Variants in TMC3 observed in about 807,000 individuals in gnomAD.
TMC3 encodes the protein transmembrane channel like 3, also known as transmembrane channel-like protein 3.
In TMC3, 98 loss-of-function variants were observed where a neutral mutation model predicts 110.6. That is an observed-to-expected ratio of 0.89 (90% confidence interval 0.75 to 1.05). The LOEUF is 1.05. TMC3 is among the 50% of genes least tolerant of loss of function. TMC3 has a pLI of 0.00. For missense variants in TMC3, 1,319 were observed against 1,373.2 expected (o/e 0.96, Z 0.62); for synonymous variants, 489 against 513.1 (o/e 0.95, Z 0.63).
rs1893479361 is a variant in TMC3 at position 81,332,373 on chromosome 15, A to G, written c.*46T>C. 1.3e-6 allele frequency: 2 copies of G among 1,538,366 alleles called. No individual in the cohort carries two copies. The highest frequency in any genetic ancestry group is 4.6e-5 in the East Asian group (2 of 43,866). On this transcript the variant is annotated 3_prime_UTR_variant, in exon 22 of 22. Coordinates refer to ENST00000359440, the MANE Select transcript of TMC3 (RefSeq NM_001080532.3). ...GGGAGATGCCATGTGCTGGCCCAGC[A>G]CTCCAACAGGGGCCTGACCTCTAGG...
chr15:81,347,797 A>C (rs1305416735), intron 11 of TMC3, among the ~76,000 whole-genome samples: 1 of 152,164 alleles, frequency 6.6e-6, no homozygotes, highest in Non-Finnish European at 1.5e-5. Context: ...GCAATAATGG[A>C]ATTGATTCCA....
rs1323083617 is a variant in TMC3, at chr15:81,332,237, G to A, written c.*182C>T. On this transcript the variant is annotated 3_prime_UTR_variant, in exon 22 of 22. Coordinates refer to ENST00000359440, the MANE Select transcript of TMC3 (RefSeq NM_001080532.3). Reference sequence around the variant, plus strand: ...CTAACTCGGATAAATTTGGCTAACAGTAGCTGTAGAATAGGTATCTGTAGC... The same window carrying A: ...CTAACTCGGATAAATTTGGCTAACAATAGCTGTAGAATAGGTATCTGTAGC... 2 of 862,778 alleles carry A rather than the reference G, an allele frequency of 2.3e-6. No individual in the cohort carries two copies. The highest frequency in any genetic ancestry group is 2.8e-5 in the East Asian group (1 of 35,848). 53.4% of individuals were successfully genotyped at this position (862,778 alleles called of 1,614,324 possible).
At chr15:81,373,513 G>A (rs1017887282) in intron 1 of TMC3, among the ~76,000 whole-genome samples, 1 of 152,148 alleles carries the variant, frequency 6.6e-6, no homozygotes, top group African/African-American at 2.4e-5. Flanking sequence ...ATTTAGAGGA[G>A]AATTTTTTTC....
At chr15:81,336,387 C>G (rs1893595028) in intron 20 of TMC3, among the ~76,000 whole-genome samples, 1 of 152,068 alleles carries the variant, frequency 6.6e-6, no homozygotes, top group Non-Finnish European at 1.5e-5. Flanking sequence ...GAGTTTGAGA[C>G]CAGGCTGACC....
At chr15:81,367,626 A>G (rs533145157) in intron 3 of TMC3, among the ~76,000 whole-genome samples, 3 of 152,326 alleles carry the variant, frequency 2.0e-5, no homozygotes, top group African/African-American at 7.2e-5. Flanking sequence ...AGCTGTATAC[A>G]GGGACACGGT....
chr15:81,350,010 G>A (rs1596085819), intron 10 of TMC3, among the ~76,000 whole-genome samples: 1 of 149,814 alleles, frequency 6.7e-6, no homozygotes, highest in Admixed American at 6.6e-5. Flanking sequence ...TCATTGGGAG[G>A]CTGAGGCAAG....
chr15:81,359,399 G>A lies in TMC3; in HGVS notation c.467C>T (p.Thr156Ile), dbSNP rs766720728. The change falls in exon 5 of 22, where the codon ACC (threonine) becomes ATC (isoleucine). Residue 156 changes from threonine to isoleucine, a missense_variant. By Grantham distance (89) the Thr-to-Ile change is moderately conservative (BLOSUM62 -1). Coordinates refer to ENST00000359440, the MANE Select transcript of TMC3 (RefSeq NM_001080532.3). The stretch of plus-strand genomic sequence containing the variant: ...GACAATAAAAGCACCTGTCATAATG[G>A]TGAGCACAATATTAATTCCAAATAA... ...RWLFGINIVLTIMTGAFIVIP... is the reference protein window; with the variant it reads ...RWLFGINIVLIIMTGAFIVIP... The A allele has an allele frequency of 1.9e-6, 3 of 1,606,816 alleles. No individual in the cohort carries two copies. The highest frequency in any genetic ancestry group is 2.5e-6 in the Non-Finnish European group (3 of 1,177,398).
At chr15:81,343,390 C>G in intron 14 of TMC3, 45 bp from the exon 15 acceptor site, 1 of 1,348,974 alleles carries the variant, frequency 7.4e-7, no homozygotes, top group Non-Finnish European at 1.1e-6. Context: ...TTCCAAAGTT[C>G]TTTGCATGAA....
intron 11 of TMC3, among the ~76,000 whole-genome samples, chr15:81,348,781 C>T (rs939328830): frequency 1.3e-5 from 2 of 151,422 alleles, no homozygotes; most frequent in African/African-American, 4.9e-5. Flanking sequence ...CAGACACTGC[C>T]AGACCTCTTC....
intron 9 of TMC3, 74 bp downstream of exon 9, chr15:81,355,651 G>A (rs1483051716): frequency 1.1e-6 from 1 of 928,188 alleles, no homozygotes; most frequent in East Asian, 2.4e-5. Flanking sequence ...AGATATAGAT[G>A]ATCTGGTAGT....
At chr15:81,360,011 T>TATC (rs1359978665) in intron 4 of TMC3, among the ~76,000 whole-genome samples, 2 of 152,226 alleles carry the variant, frequency 1.3e-5, no homozygotes, top group Middle Eastern at 3.4e-3. Context: ...AACAAATTTA[T>TATC]ATCTATTGAG....
At chr15:81,367,936 T>C (rs1415242585) in intron 3 of TMC3, among the ~76,000 whole-genome samples, 1 of 151,876 alleles carries the variant, frequency 6.6e-6, no homozygotes, top group Non-Finnish European at 1.5e-5. Context: ...TGTTGTTGTT[T>C]TGTTTGTTTG....
intron 12 of TMC3, 138 bp from the exon 13 acceptor site, chr15:81,345,149 C>T: frequency 7.1e-7 from 1 of 1,410,644 alleles, no homozygotes; most frequent in African/African-American, 1.4e-5. Flanking sequence ...TCCTCTTTCT[C>T]TTTCTAGACC....
chr15:81,351,505 C>T (rs563386264), intron 10 of TMC3, among the ~76,000 whole-genome samples, 189 bp downstream of exon 10: 2 of 151,974 alleles, frequency 1.3e-5, no homozygotes, highest in Non-Finnish European at 2.9e-5. Context: ...GTGTGCACCA[C>T]GACGCCCAGC....
chr15:81,334,213 C>A (rs780538934), intron 21 of TMC3, among the ~76,000 whole-genome samples: 14 of 152,144 alleles, frequency 9.2e-5, no homozygotes, highest in Non-Finnish European at 1.6e-4. Context: ...ATTGCTTTCG[C>A]TGTGCTACAT....
At chr15:81,357,008 C>T (rs981165849) in intron 7 of TMC3, among the ~76,000 whole-genome samples, 1 of 152,182 alleles carries the variant, frequency 6.6e-6, no homozygotes, top group African/African-American at 2.4e-5. Flanking sequence ...ACGTAACGTG[C>T]TGAGTCCCTC....
chr15:81,348,745 G>A lies in TMC3; in HGVS notation c.1193+713C>T, dbSNP rs77517698. Among the ~76,000 whole-genome samples, 147 of 150,670 alleles carry A rather than the reference G, an allele frequency of 9.8e-4. 2 individuals are homozygous for A. The East Asian group carries it at 0.025, about 25-fold the overall frequency. On this transcript the variant is annotated intron_variant, in intron 11 of 21. Coordinates refer to ENST00000359440, the MANE Select transcript of TMC3 (RefSeq NM_001080532.3). ...CTCTCACCACTCAGAGTTAAACCAC[G>A]GAGAAAACAGAACAGTGGGGAAAAC...
rs1893788372 is a variant in TMC3 at position 81,344,762 on chromosome 15, C to T, written c.1518+4G>A. The T allele has an allele frequency of 6.2e-7, 1 of 1,613,244 alleles. No homozygotes were observed. The highest frequency in any genetic ancestry group is 8.5e-7 in the Non-Finnish European group (1 of 1,179,766). ...CAGAGCTTTGTAAGGGTAAAGAGAA[C>T]CACCTGACCAACGTATGTCTCCCAG... On this transcript the variant is annotated splice_donor_region_variant and intron_variant, in intron 13 of 21. Transcript: ENST00000359440.
chr15:81,373,313 G>A (rs550691545), intron 1 of TMC3, among the ~76,000 whole-genome samples: 2 of 152,206 alleles, frequency 1.3e-5, no homozygotes, highest in South Asian at 4.2e-4. Context: ...AATTTACATG[G>A]GTGAGATATT....
Sources: gnomAD v4.1 joint callset for allele counts (sites outside exome capture counted in the v4.1 genomes callset) on GRCh38, gnomAD v4.1.1 for gene constraint, MANE v1.5 for transcripts, NCBI Gene and HGNC (gene_info 2026-07-23, HGNC 2026-07-21) for gene names.